GYPC: variants seen among roughly 807,000 people sequenced by gnomAD.
GYPC encodes glycophorin-C.
In GYPC, 14 loss-of-function variants were observed where a neutral mutation model predicts 12.6. The ratio of observed to expected loss-of-function variants is 1.11; its 90% CI spans 0.74 to 1.74. GYPC has a LOEUF of 1.74. GYPC is among the 40% of genes most tolerant of loss of function. The pLI is 0.00. For missense variants in GYPC, 225 were observed against 172.1 expected (o/e 1.31, Z -1.72); for synonymous variants, 78 against 62.1 (o/e 1.26, Z -1.20).
intron 2 of GYPC, among the ~76,000 whole-genome samples, chr2:126,691,535 A>G (rs1415848595): frequency 6.6e-6 from 1 of 152,142 alleles, no homozygotes; most frequent in Non-Finnish European, 1.5e-5. Context: ...GCTGAGGAGC[A>G]GTCATCGGGC....
At chr2:126,660,600 T>C (rs1279834644) in intron 1 of GYPC, among the ~76,000 whole-genome samples, 1 of 152,168 alleles carries the variant, frequency 6.6e-6, no homozygotes, top group East Asian at 1.9e-4. Context: ...TGACCCCGCC[T>C]GTCCCCCACT....
chr2:126,695,091 G>A (rs1683601740), intron 3 of GYPC, among the ~76,000 whole-genome samples: 1 of 152,168 alleles, frequency 6.6e-6, no homozygotes, highest in African/African-American at 2.4e-5. Context: ...TCCCCAGGAG[G>A]GAATGGGAGC....
At chr2:126,689,463 A>G (rs1431467326) in intron 1 of GYPC, among the ~76,000 whole-genome samples, 1 of 151,932 alleles carries the variant, frequency 6.6e-6, no homozygotes. Flanking sequence ...GCAAAAGCTC[A>G]TGTTGAAATT....
chr2:126,695,080 G>A (rs1379914224), intron 3 of GYPC, among the ~76,000 whole-genome samples: 5 of 152,192 alleles, frequency 3.3e-5, no homozygotes, highest in East Asian at 3.9e-4. Flanking sequence ...CCCGTCCTCA[G>A]TCCCCAGGAG....
In GYPC at chr2:126,693,925, A is replaced by G. The variant is rs541928196; in HGVS notation, c.168A>G (p.Ile56Met). 3.7e-6 allele frequency: 6 copies of G among 1,610,814 alleles called. No homozygotes were observed. Among genetic ancestry groups the G allele is most frequent in the Admixed American group, 1.7e-5 (1 of 59,956 alleles). The change falls in exon 3 of 4, where the codon ATA becomes ATG. Residue 56 changes from isoleucine to methionine, a missense_variant. By Grantham distance (10) the Ile-to-Met change is conservative. Coordinates refer to ENST00000259254, the MANE Select transcript of GYPC (RefSeq NM_002101.5). ...DGRMETSTPT[I>M]MDIVVIAGVI... ...GAATGGAGACCTCCACCCCCACCATAATGGACATTGTCGTCATTGCAGGTG... is the reference window on the plus strand; with the variant it reads ...GAATGGAGACCTCCACCCCCACCATGATGGACATTGTCGTCATTGCAGGTG...
intron 3 of GYPC, among the ~76,000 whole-genome samples, chr2:126,695,073 G>T (rs904049791): frequency 1.1e-4 from 16 of 152,244 alleles, no homozygotes; most frequent in African/African-American, 2.9e-4. Flanking sequence ...GATTCGCCCC[G>T]TCCTCAGTCC....
chr2:126,690,395 C>A, intron 2 of GYPC, 84 bp downstream of exon 2: 2 of 1,044,920 alleles, frequency 1.9e-6, no homozygotes, highest in Non-Finnish European at 3.0e-6. Flanking sequence ...TTTAAGCAGC[C>A]AGGGTTGGGG....
At chr2:126,675,846 T>TA in intron 1 of GYPC, 1 of 211,416 alleles carries the variant, frequency 4.7e-6, no homozygotes, top group Non-Finnish European at 8.2e-6. Flanking sequence ...AAGCTAATGA[T>TA]ATGTACTGGG....
At chr2:126,695,214 A>G (rs1683607119) in intron 3 of GYPC, among the ~76,000 whole-genome samples, 1 of 152,228 alleles carries the variant, frequency 6.6e-6, no homozygotes. Flanking sequence ...TACATAGAGC[A>G]ACCAGCTCTG....
At chr2:126,681,046 C>G (rs1356914602) in intron 1 of GYPC, among the ~76,000 whole-genome samples, 1 of 152,212 alleles carries the variant, frequency 6.6e-6, no homozygotes, top group Admixed American at 6.5e-5. Flanking sequence ...GAAGATTCAT[C>G]CCCGTTTCTT....
At chr2:126,657,614 G>A (rs997126552) in intron 1 of GYPC, 1 of 152,186 alleles carries the variant, frequency 6.6e-6, no homozygotes, top group East Asian at 1.9e-4. Context: ...CAGGTCCTGG[G>A]TTAAAGGGAC....
intron 1 of GYPC, among the ~76,000 whole-genome samples, chr2:126,687,305 A>T (rs1683318771): frequency 6.6e-6 from 1 of 152,206 alleles, no homozygotes. Context: ...AGCACTTCCC[A>T]GCCTACAGCA....
At chr2:126,665,235 G>A (rs1682646375) in intron 1 of GYPC, among the ~76,000 whole-genome samples, 2 of 151,368 alleles carry the variant, frequency 1.3e-5, no homozygotes, top group South Asian at 4.2e-4. Context: ...GTTACCTAAG[G>A]TACAGTACAG....
At chr2:126,670,745 T>A (rs1189376202) in intron 1 of GYPC, among the ~76,000 whole-genome samples, 3 of 151,918 alleles carry the variant, frequency 2.0e-5, no homozygotes, top group African/African-American at 7.3e-5. Flanking sequence ...CCAGAAAGAC[T>A]CAGAGACAGG....
At chr2:126,662,146 G>A (rs1463864328) in intron 1 of GYPC, among the ~76,000 whole-genome samples, 1 of 152,182 alleles carries the variant, frequency 6.6e-6, no homozygotes, top group Non-Finnish European at 1.5e-5. Flanking sequence ...TTTGTCAGCA[G>A]CCGATGAGCA....
At chr2:126,658,789 T>C (rs907863710) in intron 1 of GYPC, 1 of 152,258 alleles carries the variant, frequency 6.6e-6, no homozygotes, top group African/African-American at 2.4e-5. Context: ...CTTGTTTTTT[T>C]TCCATCAGAA....
At chr2:126,682,089 T>G (rs1364252600) in intron 1 of GYPC, among the ~76,000 whole-genome samples, 1 of 152,184 alleles carries the variant, frequency 6.6e-6, no homozygotes, top group Non-Finnish European at 1.5e-5. Context: ...CCACCTCCGG[T>G]GGAGCTTGGA....
intron 2 of GYPC, among the ~76,000 whole-genome samples, chr2:126,692,005 T>G (rs1474857845): frequency 6.6e-6 from 1 of 152,202 alleles, no homozygotes; most frequent in Non-Finnish European, 1.5e-5. Flanking sequence ...CATTTATATA[T>G]GCATGCATTT....
At chr2:126,662,793 AGT>A (rs1682567866) in intron 1 of GYPC, among the ~76,000 whole-genome samples, 1 of 152,148 alleles carries the variant, frequency 6.6e-6, no homozygotes, top group East Asian at 1.9e-4. Context: ...ATCCTAGTGT[AGT>A]GCCTGGTATG....
Sources: gnomAD v4.1 joint callset for allele counts (sites outside exome capture counted in the v4.1 genomes callset) on GRCh38, gnomAD v4.1.1 for gene constraint, MANE v1.5 for transcripts, NCBI Gene and HGNC (gene_info 2026-07-23, HGNC 2026-07-21) for gene names.